Variants in RFX7 observed in about 807,000 individuals in gnomAD.
RFX7 encodes the protein DNA-binding protein RFX7.
RFX7 carries 26 observed loss-of-function variants against 111.8 expected under a neutral mutation model. That is an observed-to-expected ratio of 0.23 (90% CI 0.17 to 0.32). The LOEUF (loss-of-function observed/expected upper bound fraction) is 0.32, where lower values mean the gene tolerates loss of function less well. RFX7 is among the 10% of genes least tolerant of loss of function. The pLI is 1.00. For synonymous variants in RFX7, 624 were observed against 624.4 expected (o/e 1.00, Z 0.01); for missense variants, 1,573 against 1,772.9 (o/e 0.89, Z 2.02).
intron 2 of RFX7, among the ~76,000 whole-genome samples, chr15:56,212,659 C>G (rs2043324576): frequency 6.6e-6 from 1 of 151,968 alleles, no homozygotes; most frequent in African/African-American, 2.4e-5. Flanking sequence ...GAATCTGAAA[C>G]TGCTCTAAGA....
At chr15:56,129,882 T>C (rs1032915349) in intron 5 of RFX7, among the ~76,000 whole-genome samples, 38 of 152,324 alleles carry the variant, frequency 2.5e-4, no homozygotes, top group Admixed American at 1.1e-3. Flanking sequence ...CCATGGTACA[T>C]GTGGCTGCTT....
At chr15:56,223,767 T>C (rs1414227517) in intron 2 of RFX7, among the ~76,000 whole-genome samples, 1 of 152,208 alleles carries the variant, frequency 6.6e-6, no homozygotes, top group Non-Finnish European at 1.5e-5. Context: ...CCATGATAAA[T>C]GCTACCTCAG....
At chr15:56,170,393 A>T (rs1217850014) in intron 3 of RFX7, among the ~76,000 whole-genome samples, 1 of 152,182 alleles carries the variant, frequency 6.6e-6, no homozygotes, top group Non-Finnish European at 1.5e-5. Context: ...AGAGTTTCTT[A>T]ACCTCAGCAC....
chr15:56,095,935 T>G lies in RFX7; in HGVS notation c.1793A>C (p.Gln598Pro), dbSNP rs746927790. The G allele has an allele frequency of 6.2e-7, 1 of 1,607,006 alleles. No homozygotes were observed. The highest frequency in any genetic ancestry group is 1.3e-5 in the African/African-American group (1 of 75,048). Residue 598 changes from glutamine to proline, a missense_variant, in exon 10 of 10, where the codon CAG (glutamine) becomes CCG (proline). By Grantham distance (76) the Gln-to-Pro change is moderately conservative. Coordinates refer to ENST00000559447, the MANE Select transcript of RFX7 (RefSeq NM_022841.7). The stretch of plus-strand genomic sequence containing the variant: ...ACAGCGACTTTTACATTTGGTCCTC[T>G]GGTCACAGACCTTAGTTGCTTTTAT... ...IEIKATKVCD[Q>P]RTKCKSRCNE...
chr15:56,220,060 T>C (rs2043407734), intron 2 of RFX7, among the ~76,000 whole-genome samples: 1 of 146,534 alleles, frequency 6.8e-6, no homozygotes, highest in African/African-American at 2.7e-5. Context: ...AAGCATAACC[T>C]TTTTTTTTGA....
intron 3 of RFX7, chr15:56,179,017 C>G (rs2042933841): frequency 6.0e-6 from 1 of 165,448 alleles, no homozygotes; most frequent in Non-Finnish European, 1.3e-5. Context: ...TTTAAGCAGT[C>G]TTTCAGTAAG....
chr15:56,112,554 A>T (rs1437182761), intron 5 of RFX7, among the ~76,000 whole-genome samples: 1 of 152,176 alleles, frequency 6.6e-6, no homozygotes, highest in African/African-American at 2.4e-5. Flanking sequence ...TAAAAATCCT[A>T]GAAGAAAATC....
chr15:56,208,759 T>C (rs146970987), intron 2 of RFX7, among the ~76,000 whole-genome samples: 2 of 152,176 alleles, frequency 1.3e-5, no homozygotes, highest in African/African-American at 2.4e-5. Flanking sequence ...CCAGAAATGT[T>C]TGATGGACTT....
chr15:56,237,063 T>C (rs2043631814), intron 2 of RFX7, among the ~76,000 whole-genome samples: 1 of 152,006 alleles, frequency 6.6e-6, no homozygotes, highest in Non-Finnish European at 1.5e-5. Flanking sequence ...GTTGATTGCC[T>C]ATGATAAATT....
intron 4 of RFX7, among the ~76,000 whole-genome samples, chr15:56,143,376 T>C (rs953360540): frequency 1.1e-4 from 16 of 151,252 alleles, no homozygotes; most frequent in African/African-American, 3.9e-4. Context: ...CACACACACA[T>C]ATATATGTAT....
intron 5 of RFX7, among the ~76,000 whole-genome samples, chr15:56,138,102 G>C (rs1300484972): frequency 4.2e-5 from 6 of 141,796 alleles, no homozygotes; most frequent in Non-Finnish European, 9.2e-5. Context: ...TTGATTTGGG[G>C]TGGAGAGTTC....
chr15:56,159,618 C>T (rs138425236), intron 3 of RFX7, among the ~76,000 whole-genome samples: 3 of 152,284 alleles, frequency 2.0e-5, no homozygotes, highest in Non-Finnish European at 4.4e-5. Context: ...ATAACTTTCT[C>T]CAGGTTCGTC....
intron 5 of RFX7, among the ~76,000 whole-genome samples, chr15:56,129,207 C>T (rs1297283037): frequency 1.3e-5 from 2 of 151,894 alleles, no homozygotes; most frequent in African/African-American, 4.8e-5. Context: ...GAAACCCATC[C>T]CTATAATAAA....
chr15:56,107,296 CAAAAAAAAAAAAAAA>C (rs56077181), intron 5 of RFX7, among the ~76,000 whole-genome samples: 1 of 32,136 alleles, frequency 3.1e-5, no homozygotes, highest in East Asian at 1.1e-3. Context: ...GACTCCGTCT[CAAAAAAAAAAAAAAA>C]AAAAAAAAAA....
intron 5 of RFX7, among the ~76,000 whole-genome samples, chr15:56,116,112 C>T (rs542284457): frequency 6.6e-6 from 1 of 152,252 alleles, no homozygotes; most frequent in South Asian, 2.1e-4. Flanking sequence ...TCCAATTATA[C>T]TACACTTAGT....
chr15:56,109,072 T>G (rs2041870941), intron 5 of RFX7, among the ~76,000 whole-genome samples: 1 of 152,056 alleles, frequency 6.6e-6, no homozygotes, highest in Admixed American at 6.5e-5. Flanking sequence ...TCTCCCTCTT[T>G]CCACGGTCTC....
chr15:56,108,369 A>T (rs2041859866), intron 5 of RFX7, among the ~76,000 whole-genome samples: 1 of 152,222 alleles, frequency 6.6e-6, no homozygotes, highest in African/African-American at 2.4e-5. Context: ...AGTCAGCTTC[A>T]TCCCTGGGAA....
At chr15:56,124,137 C>T (rs2042112084) in intron 5 of RFX7, among the ~76,000 whole-genome samples, 1 of 152,120 alleles carries the variant, frequency 6.6e-6, no homozygotes, top group Non-Finnish European at 1.5e-5. Flanking sequence ...TTTTAAGAAA[C>T]ATCTGCCGGG....
At position 56,140,930 on chromosome 15, in the gene RFX7, GCTCT is replaced by G. The variant is rs553283558; in HGVS notation, c.401+1844_401+1847del. On this transcript the variant is annotated intron_variant, in intron 5 of 9. Transcript: ENST00000559447. ...GATCACTCTTCCGCAAATGCAGCAT[GCTCT>G]CTCTAAGGTATCATGAAGGGTGGTG... Among the ~76,000 whole-genome samples, 492 of 152,260 alleles carry G rather than the reference GCTCT, an allele frequency of 3.2e-3. 7 individuals carry two copies. Among genetic ancestry groups the G allele is most frequent in the African/African-American group, 0.011 (473 of 41,560 alleles).
Sources: gnomAD v4.1 joint callset for allele counts (sites outside exome capture counted in the v4.1 genomes callset) on GRCh38, gnomAD v4.1.1 for gene constraint, MANE v1.5 for transcripts, NCBI Gene and HGNC (gene_info 2026-07-23, HGNC 2026-07-21) for gene names.